The following PUDP variants were observed in gnomAD, a reference collection of about 807,000 sequenced individuals.
PUDP encodes pseudouridine-5'-phosphatase.
Under a neutral mutation model 9.4 loss-of-function variants are expected in PUDP, and 8 were observed. The ratio of observed to expected loss-of-function variants is 0.85; its 90% CI spans 0.50 to 1.53. The LOEUF (loss-of-function observed/expected upper bound fraction) is 1.53, where lower values mean the gene tolerates loss of function less well. Among genes scored for constraint, PUDP ranks in the 40% most tolerant of loss-of-function variants. The pLI is 0.00. For synonymous variants in PUDP, 99 were observed against 80.7 expected (o/e 1.23, Z -1.22); for missense variants, 188 against 189.7 (o/e 0.99, Z 0.05).
At chrX:6,909,655 C>G (rs1474485921) in intron 3 of PUDP, among the ~76,000 whole-genome samples, 1 of 111,138 alleles carries the variant, frequency 9.0e-6, no homozygotes, top group African/African-American at 3.3e-5. Flanking sequence ...CGAAGTATGT[C>G]TCTCTACAGG....
At chrX:6,770,962 T>G (rs1320264488) in intron 3 of PUDP, among the ~76,000 whole-genome samples, 1 of 112,044 alleles carries the variant, frequency 8.9e-6, no homozygotes, top group African/African-American at 3.2e-5. Context: ...CTCCCCCTTC[T>G]AATCCAACTC....
At position 7,050,426 on chromosome X, in the gene PUDP, G is replaced by GCC; in HGVS notation, c.555_556dup (p.Ala186GlyfsTer15). 1 of 1,211,177 alleles carries GCC rather than the reference G, an allele frequency of 8.3e-7. No homozygotes were observed. Among genetic ancestry groups the GCC allele is most frequent in the Admixed American group, 2.2e-5 (1 of 46,070 alleles). On this transcript the variant is annotated frameshift_variant, in exon 4 of 4. Transcript: ENST00000381077. LOFTEE classifies it low-confidence loss of function (END_TRUNC). ...AACCATGACCACCTGCATCCCAGCT[G>GCC]CCAGGGCCGCCTCCACCCCATTGGG...
At chrX:7,064,378 C>G (rs1165531491) in intron 3 of PUDP, among the ~76,000 whole-genome samples, 1 of 111,892 alleles carries the variant, frequency 8.9e-6, no homozygotes, top group Non-Finnish European at 1.9e-5. Flanking sequence ...AGCCCATATT[C>G]CCACTTGGGA....
intron 3 of PUDP, among the ~76,000 whole-genome samples, chrX:7,065,731 C>G (rs1237803835): frequency 8.9e-6 from 1 of 111,807 alleles, no homozygotes; most frequent in Non-Finnish European, 1.9e-5. Context: ...GGCTTTATTG[C>G]AAATTAGCCC....
intron 2 of PUDP, among the ~76,000 whole-genome samples, chrX:7,098,606 C>T (rs1428645476): frequency 8.9e-6 from 1 of 111,741 alleles, no homozygotes; most frequent in Non-Finnish European, 1.9e-5. Context: ...GGGACTGGGG[C>T]TGGACAGCAG....
intron 3 of PUDP, among the ~76,000 whole-genome samples, chrX:6,865,008 C>T (rs112936255): frequency 0.024 from 2,673 of 111,905 alleles, 68 homozygotes; most frequent in African/African-American, 0.08. Flanking sequence ...CAATCTCAGT[C>T]GCATTCCATT....
intron 1 of PUDP, among the ~76,000 whole-genome samples, chrX:7,016,349 G>C (rs1316553865): frequency 9.1e-6 from 1 of 110,232 alleles, no homozygotes; most frequent in African/African-American, 3.3e-5. Context: ...CAGGTCATGG[G>C]GGAAGTTCAT....
intron 2 of PUDP, among the ~76,000 whole-genome samples, chrX:7,082,505 G>A (rs186438936): frequency 1.8e-5 from 2 of 112,056 alleles, no homozygotes; most frequent in East Asian, 5.7e-4. Flanking sequence ...AGAGGGAACC[G>A]CTTAGAGGGC....
At chrX:6,760,840 T>G (rs1183294940) in intron 3 of PUDP, among the ~76,000 whole-genome samples, 2 of 112,240 alleles carry the variant, frequency 1.8e-5, no homozygotes, top group Non-Finnish European at 3.8e-5. Flanking sequence ...GGTAATGATT[T>G]AGGATCATTA....
intron 3 of PUDP, among the ~76,000 whole-genome samples, chrX:6,942,725 A>ATCCAGTAAG (rs1483138368): frequency 1.8e-5 from 2 of 111,824 alleles, no homozygotes; most frequent in African/African-American, 6.5e-5. Context: ...TCAGCCCTAA[A>ATCCAGTAAG]TCCAGTAAGT....
chrX:7,140,937 A>C (rs1364754624), intron 1 of PUDP, among the ~76,000 whole-genome samples: 1 of 111,813 alleles, frequency 8.9e-6, no homozygotes, highest in Non-Finnish European at 1.9e-5. Flanking sequence ...CTTTGATGTT[A>C]CCATTGTCAT....
chrX:6,904,320 G>A (rs1356627411), intron 3 of PUDP, among the ~76,000 whole-genome samples: 1 of 110,674 alleles, frequency 9.0e-6, no homozygotes, highest in African/African-American at 3.3e-5. Flanking sequence ...TCAGTGTCAG[G>A]AGACATTTGG....
At chrX:6,822,624 G>A (rs1255817724) in intron 3 of PUDP, among the ~76,000 whole-genome samples, 4 of 109,398 alleles carry the variant, frequency 3.7e-5, no homozygotes, top group Admixed American at 9.7e-5. Flanking sequence ...ACGGGGTTTC[G>A]CCATATTGGC....
At chrX:6,973,171 T>C (rs937018546) in intron 3 of PUDP, among the ~76,000 whole-genome samples, 1 of 111,862 alleles carries the variant, frequency 8.9e-6, no homozygotes, top group Non-Finnish European at 1.9e-5. Context: ...CCTGGATTCA[T>C]TGATTTTTTG....
At chrX:6,885,345 G>T (rs1159934276) in intron 3 of PUDP, among the ~76,000 whole-genome samples, 1 of 112,143 alleles carries the variant, frequency 8.9e-6, no homozygotes, top group Non-Finnish European at 1.9e-5. Flanking sequence ...GACAGAAGAA[G>T]ATTAAAACTT....
chrX:6,875,008 C>T (rs770409600), intron 3 of PUDP, among the ~76,000 whole-genome samples: 11 of 112,071 alleles, frequency 9.8e-5, no homozygotes, highest in South Asian at 3.8e-4. Context: ...TTTTCATTTA[C>T]GTGAGTGCTT....
intron 3 of PUDP, among the ~76,000 whole-genome samples, chrX:7,068,518 T>C (rs765882569): frequency 6.1e-4 from 68 of 111,752 alleles, no homozygotes; most frequent in Non-Finnish European, 9.4e-4. Flanking sequence ...TAGCAGCTGC[T>C]ACCTACAGCC....
chrX:7,027,979 T>C (rs1347368422), intron 1 of PUDP, among the ~76,000 whole-genome samples: 52 of 103,652 alleles, frequency 5.0e-4, no homozygotes, highest in Non-Finnish European at 7.8e-4. Context: ...ATATAAAGTT[T>C]ATATACTGTC....
intron 1 of PUDP, among the ~76,000 whole-genome samples, chrX:6,709,031 A>G (rs183713011): frequency 1.2e-3 from 137 of 112,238 alleles, no homozygotes; most frequent in African/African-American, 4.3e-3. Context: ...CTCTGAAAAC[A>G]CTGAACAGAT....
Sources: allele counts gnomAD v4.1 joint callset (sites outside exome capture counted in the v4.1 genomes callset), GRCh38; gene constraint gnomAD v4.1.1; transcripts MANE v1.5; gene names NCBI Gene and HGNC (gene_info 2026-07-23, HGNC 2026-07-21).